The following GRIN2A variants were observed in gnomAD, a reference collection of about 807,000 sequenced individuals.
GRIN2A encodes the protein glutamate ionotropic receptor NMDA type subunit 2A, also known as glutamate receptor ionotropic, NMDA 2A.
GRIN2A carries 22 observed loss-of-function variants against 113.4 expected under a neutral mutation model. That is an observed-to-expected ratio of 0.19 (90% CI 0.14 to 0.28). GRIN2A has a LOEUF of 0.28. Among genes scored for constraint, GRIN2A ranks in the 10% least tolerant of loss-of-function variants. The pLI, the probability that GRIN2A is intolerant of heterozygous loss-of-function variation, is 1.00. For synonymous variants in GRIN2A, 827 were observed against 738.4 expected, an observed-to-expected ratio of 1.12 and a Z score of -1.94; for missense variants, 1,502 against 1,887.0, an observed-to-expected ratio of 0.80 and a Z score of 3.78.
intron 2 of GRIN2A, among the ~76,000 whole-genome samples, chr16:9,944,279 T>C (rs2044962821): frequency 6.6e-6 from 1 of 152,180 alleles, no homozygotes; most frequent in South Asian, 2.1e-4. Flanking sequence ...ACATATTTTA[T>C]TTCAATTTCC....
intron 10 of GRIN2A, among the ~76,000 whole-genome samples, chr16:9,803,007 C>G (rs530706185): frequency 7.1e-6 from 1 of 140,176 alleles, no homozygotes; most frequent in Non-Finnish European, 1.6e-5. Flanking sequence ...ATAATTGTTC[C>G]TGTTGTTAAA....
At chr16:9,831,465 G>A (rs1028554584) in intron 8 of GRIN2A, among the ~76,000 whole-genome samples, 1 of 147,180 alleles carries the variant, frequency 6.8e-6, no homozygotes, top group African/African-American at 2.5e-5. Flanking sequence ...TTTTTGCTCT[G>A]TACATGTATG....
chr16:9,764,729 C>A lies in GRIN2A; in HGVS notation c.2815G>T (p.Gly939Trp). ...SLIMDMVSDKGNLMYSDNRSF... is the reference protein window; with the variant it reads ...SLIMDMVSDKWNLMYSDNRSF... ...CTGTTGTCTGAGTACATCAAATTCC[C>A]CTTATCTGAAACCATGTCCATGATG... Residue 939 changes from glycine to tryptophan, a missense_variant, in exon 13 of 13, where the codon GGG becomes TGG. Physicochemically the swap from Gly to Trp is radical, Grantham distance 184. Coordinates refer to ENST00000330684, the MANE Select transcript of GRIN2A (RefSeq NM_001134407.3). The A allele has an allele frequency of 6.2e-7, 1 of 1,614,222 alleles. No individual in the cohort carries two copies. Among genetic ancestry groups the A allele is most frequent in the Non-Finnish European group, 8.5e-7 (1 of 1,180,030 alleles).
chr16:10,031,503 C>T (rs1383611982), intron 2 of GRIN2A: 1 of 152,270 alleles, frequency 6.6e-6, no homozygotes, highest in African/African-American at 2.4e-5. Flanking sequence ...GAAACGTCAT[C>T]TCTCTAAGGC....
chr16:9,906,874 G>A (rs532075682), intron 3 of GRIN2A, among the ~76,000 whole-genome samples: 1 of 152,294 alleles, frequency 6.6e-6, no homozygotes, highest in East Asian at 1.9e-4. Context: ...ATAGGGTCTT[G>A]CTGTGTTGCC....
intron 2 of GRIN2A, among the ~76,000 whole-genome samples, chr16:10,144,787 G>A (rs939686595): frequency 2.6e-5 from 4 of 151,968 alleles, no homozygotes; most frequent in Non-Finnish European, 5.9e-5. Flanking sequence ...CAGGTGTGGT[G>A]GCACACCCCT....
chr16:10,107,710 T>G (rs1309186764), intron 2 of GRIN2A, among the ~76,000 whole-genome samples: 12 of 152,316 alleles, frequency 7.9e-5, no homozygotes, highest in East Asian at 1.9e-4. Context: ...AAGGAGCAGC[T>G]CACCTGAGAC....
At chr16:9,947,611 G>C (rs968170364) in intron 2 of GRIN2A, among the ~76,000 whole-genome samples, 1 of 152,146 alleles carries the variant, frequency 6.6e-6, no homozygotes, top group East Asian at 1.9e-4. Context: ...AAACAGCTCT[G>C]AATGCTCAAG....
chr16:10,009,850 G>A (rs960234581), intron 2 of GRIN2A, among the ~76,000 whole-genome samples: 2 of 152,196 alleles, frequency 1.3e-5, no homozygotes, highest in Admixed American at 6.5e-5. Context: ...TAAGTCACAT[G>A]ACCGGAGACA....
intron 3 of GRIN2A, among the ~76,000 whole-genome samples, chr16:9,932,851 A>C (rs975931047): frequency 6.6e-6 from 1 of 152,200 alleles, no homozygotes. Flanking sequence ...AGTCTAAAAA[A>C]GTACAGATTA....
chr16:9,900,541 G>A (rs1250251840), intron 3 of GRIN2A, among the ~76,000 whole-genome samples: 2 of 152,296 alleles, frequency 1.3e-5, no homozygotes, highest in East Asian at 3.9e-4. Flanking sequence ...CAACTCCACA[G>A]AGCATACCTG....
At chr16:10,050,027 C>T (rs1407010507) in intron 2 of GRIN2A, among the ~76,000 whole-genome samples, 1 of 152,150 alleles carries the variant, frequency 6.6e-6, no homozygotes, top group Non-Finnish European at 1.5e-5. Context: ...TGTCTATGTC[C>T]CGATACCAAG....
At chr16:9,949,728 AATGG>A (rs1390169927) in intron 2 of GRIN2A, among the ~76,000 whole-genome samples, 5 of 143,376 alleles carry the variant, frequency 3.5e-5, no homozygotes, top group Admixed American at 2.1e-4. Context: ...CGGACAGATA[AATGG>A]ATGGATGGGT....
intron 4 of GRIN2A, among the ~76,000 whole-genome samples, chr16:9,865,053 C>T (rs2043139978): frequency 6.6e-6 from 1 of 152,166 alleles, no homozygotes; most frequent in African/African-American, 2.4e-5. Flanking sequence ...CTTTGCTCAT[C>T]TCTGGCCCAA....
intron 11 of GRIN2A, among the ~76,000 whole-genome samples, chr16:9,795,054 AATG>A (rs1234193678): frequency 6.6e-6 from 1 of 151,986 alleles, no homozygotes; most frequent in Non-Finnish European, 1.5e-5. Context: ...TGGTGATGAT[AATG>A]ATAATAATGA....
chr16:10,031,682 C>A (rs1482026955), intron 2 of GRIN2A: 1 of 152,300 alleles, frequency 6.6e-6, no homozygotes, highest in Non-Finnish European at 1.5e-5. Flanking sequence ...CCAGAGGATG[C>A]TTCTGGAAGG....
intron 10 of GRIN2A, among the ~76,000 whole-genome samples, chr16:9,808,830 T>C (rs180722918): frequency 1.3e-5 from 2 of 152,190 alleles, no homozygotes; most frequent in Non-Finnish European, 2.9e-5. Flanking sequence ...GTTTCATTCC[T>C]AGAAAACCAC....
intron 4 of GRIN2A, among the ~76,000 whole-genome samples, chr16:9,853,576 C>T (rs2042919750): frequency 6.6e-6 from 1 of 152,014 alleles, no homozygotes; most frequent in Non-Finnish European, 1.5e-5. Context: ...TATAAGCCAC[C>T]CAGTCTATGG....
chr16:10,070,237 G>A (rs765187944), intron 2 of GRIN2A, among the ~76,000 whole-genome samples: 1 of 152,066 alleles, frequency 6.6e-6, no homozygotes, highest in African/African-American at 2.4e-5. Context: ...GCACCACCTC[G>A]AAGCACCTCC....
Sources: allele counts gnomAD v4.1 joint callset (sites outside exome capture counted in the v4.1 genomes callset), GRCh38; gene constraint gnomAD v4.1.1; transcripts MANE v1.5; gene names NCBI Gene and HGNC (gene_info 2026-07-23, HGNC 2026-07-21).